Variants in SPATA13 observed in about 807,000 individuals in gnomAD.
SPATA13 encodes spermatogenesis-associated protein 13.
A neutral mutation model predicts 104.0 loss-of-function variants in SPATA13; 50 were observed. The ratio of observed to expected loss-of-function variants is 0.48; its 90% CI spans 0.38 to 0.61. SPATA13 has a LOEUF of 0.61. Among genes scored for constraint, SPATA13 ranks in the 20% least tolerant of loss-of-function variants. The pLI is 0.00. For missense variants in SPATA13, 1,524 were observed against 1,690.6 expected, an observed-to-expected ratio of 0.90 and a Z score of 1.73; for synonymous variants, 606 against 667.5, an observed-to-expected ratio of 0.91 and a Z score of 1.42.
intron 1 of SPATA13, among the ~76,000 whole-genome samples, chr13:24,213,662 T>G (rs1349128352): frequency 6.6e-6 from 1 of 152,242 alleles, no homozygotes; most frequent in Non-Finnish European, 1.5e-5. Context: ...ATCCAGTTCA[T>G]CTTTTCATAG....
chr13:24,085,069 G>A (rs951043636), intron 3 of SPATA13, among the ~76,000 whole-genome samples: 4 of 150,636 alleles, frequency 2.7e-5, no homozygotes, highest in Admixed American at 6.6e-5. Flanking sequence ...CGGTGCCTTC[G>A]TGGCGATGTT....
At chr13:24,228,107 TC>T (rs1872053370) in intron 2 of SPATA13, among the ~76,000 whole-genome samples, 1 of 124,266 alleles carries the variant, frequency 8.0e-6, no homozygotes, top group African/African-American at 3.2e-5. Context: ...CCTCTTGTAC[TC>T]TTTTTTTTTT....
intron 4 of SPATA13, among the ~76,000 whole-genome samples, chr13:24,259,307 G>A (rs1029089233): frequency 2.0e-5 from 3 of 152,224 alleles, no homozygotes; most frequent in South Asian, 4.1e-4. Context: ...TTCCACCCAC[G>A]TGGCCGCCAA....
intron 3 of SPATA13, among the ~76,000 whole-genome samples, chr13:24,111,728 C>G (rs1880646913): frequency 6.6e-6 from 1 of 152,204 alleles, no homozygotes; most frequent in Admixed American, 6.5e-5. Context: ...TTAATGTAAT[C>G]AAATTGATCA....
rs564270104 is a variant in SPATA13 at position 24,095,975 on chromosome 13, A to G, written c.-112+78274A>G. ...TCCAGAGCCCTTTATTCCAGAAGAA[A>G]TACAGCAAGGTACCTACACCTGCCT... On this transcript the variant is annotated intron_variant, in intron 3 of 14. Transcript: ENST00000424834. Among the ~76,000 whole-genome samples the G allele has an allele frequency of 4.6e-5, 7 of 152,336 alleles. No individual in the cohort carries two copies. The South Asian group carries it at 1.5e-3, about 32-fold the overall frequency.
chr13:24,095,821 G>C (rs4562938), intron 3 of SPATA13, among the ~76,000 whole-genome samples: 136,042 of 152,250 alleles, frequency 0.89, 61,615 homozygotes, highest in Non-Finnish European at 0.97. Context: ...TGGTTCAGCT[G>C]TAAAAACCGT....
At chr13:24,168,686 C>T (rs893444615) in intron 1 of SPATA13, among the ~76,000 whole-genome samples, 64 of 152,224 alleles carry the variant, frequency 4.2e-4, no homozygotes, top group African/African-American at 1.4e-3. Flanking sequence ...AAGGAATTGC[C>T]GTTGCTTAAA....
intron 3 of SPATA13, chr13:24,123,468 A>G: frequency 1.9e-6 from 3 of 1,562,524 alleles, no homozygotes; most frequent in Non-Finnish European, 1.8e-6. Context: ...CTTTTTCTTC[A>G]GAAGTATTTC....
chr13:24,155,170 C>T (rs1399383948), intron 3 of SPATA13, among the ~76,000 whole-genome samples: 1 of 152,120 alleles, frequency 6.6e-6, no homozygotes, highest in Non-Finnish European at 1.5e-5. Flanking sequence ...TTCTATATTA[C>T]AGATGAAGAA....
At chr13:24,262,582 G>A (rs1302972222) in intron 4 of SPATA13, among the ~76,000 whole-genome samples, 1 of 152,180 alleles carries the variant, frequency 6.6e-6, no homozygotes, top group Non-Finnish European at 1.5e-5. Context: ...AAAAGTGAGA[G>A]TGTAATCCCA....
chr13:24,289,045 C>T lies in SPATA13; in HGVS notation c.2714C>T (p.Ala905Val), dbSNP rs769518462. 14 of 1,613,650 alleles carry T rather than the reference C, an allele frequency of 8.7e-6. No homozygotes were observed. Among genetic ancestry groups the T allele is most frequent in the Admixed American group, 5.0e-5 (3 of 59,830 alleles). ...AAGCACACAGGAATGTTCACCGTTG[C>T]GCAGCTAGCCACTATTTTTGGAAAC... ...CRKHTGMFTV[A>V]QLATIFGNIE... Residue 905 changes from alanine to valine, a missense_variant, in exon 8 of 13, where the codon GCG becomes GTG. Physicochemically the swap from Ala to Val is moderately conservative, Grantham distance 64. Around this residue, in one of 2 missense-constraint regions of SPATA13, gnomAD observed 435 missense variants for 554.8 expected, o/e 0.78. Coordinates refer to ENST00000382108, the MANE Select transcript of SPATA13 (RefSeq NM_001166271.3).
At chr13:24,172,556 GT>G (rs1174148970) in intron 1 of SPATA13, among the ~76,000 whole-genome samples, 2 of 152,122 alleles carry the variant, frequency 1.3e-5, no homozygotes, top group Non-Finnish European at 2.9e-5. Context: ...TTAGGTCAGT[GT>G]TTTTTTCTTG....
chr13:24,305,055 A>G lies in SPATA13; in HGVS notation c.*2282A>G, dbSNP rs1877488700. 1 of 152,236 alleles carries G rather than the reference A, an allele frequency of 6.6e-6. No individual in the cohort carries two copies. Among genetic ancestry groups the G allele is most frequent in the African/African-American group, 2.4e-5 (1 of 41,460 alleles). 9.4% of individuals were successfully genotyped at this position (152,236 alleles called of 1,614,324 possible). On this transcript the variant is annotated 3_prime_UTR_variant, in exon 13 of 13. Transcript: ENST00000382108. The stretch of plus-strand genomic sequence containing the variant: ...GAACAAATTGTTTTAAATGTAATAT[A>G]AGAGAATTAGTTTAAGGAAGTAAAG...
At chr13:24,034,918 T>C (rs1877624005) in intron 3 of SPATA13, 1 of 152,214 alleles carries the variant, frequency 6.6e-6, no homozygotes, top group African/African-American at 2.4e-5. Flanking sequence ...CCAGGCTAAA[T>C]TCAGGCTGTC....
chr13:24,294,073 C>T (rs1876587601), intron 9 of SPATA13, among the ~76,000 whole-genome samples: 1 of 152,188 alleles, frequency 6.6e-6, no homozygotes, highest in Non-Finnish European at 1.5e-5. Context: ...TCTGTGCTAG[C>T]CTGTGTGTAG....
At chr13:24,063,821 T>C (rs1878858692) in intron 3 of SPATA13, among the ~76,000 whole-genome samples, 1 of 152,212 alleles carries the variant, frequency 6.6e-6, no homozygotes, top group African/African-American at 2.4e-5. Context: ...GTCCTGAATT[T>C]GTGTCGTTTC....
chr13:24,278,873 T>TTTCCTTCC lies in SPATA13; in HGVS notation c.2165-5217_2165-5210dup, dbSNP rs55973344. The TTTCCTTCC allele has an allele frequency of 9.6e-3, 10,664 of 1,115,748 alleles. 260 individuals are homozygous for TTTCCTTCC. Among genetic ancestry groups the TTTCCTTCC allele is most frequent in the East Asian group, 0.047 (1,214 of 26,080 alleles). 69.1% of individuals were successfully genotyped at this position (1,115,748 alleles called of 1,614,324 possible). On this transcript the variant is annotated intron_variant, in intron 4 of 12. Transcript: ENST00000382108. ...GCATGAAGTCCACATGCTGTTTTTC[T>TTTCCTTCC]TTCCTTCCTTCCTTCCTTCCTTCCT...
chr13:24,189,431 G>A (rs1370395961), intron 1 of SPATA13, among the ~76,000 whole-genome samples: 5 of 148,960 alleles, frequency 3.4e-5, no homozygotes, highest in African/African-American at 1.2e-4. Context: ...CTGAGATCAC[G>A]CCACTGCACT....
chr13:24,053,865 G>A lies in SPATA13; in HGVS notation c.-112+36164G>A, dbSNP rs115933818. Among the ~76,000 whole-genome samples, 1,284 of 152,296 alleles carry A rather than the reference G, an allele frequency of 8.4e-3. 31 individuals are homozygous for A. The highest frequency in any genetic ancestry group is 0.029 in the African/African-American group (1,192 of 41,560). On this transcript the variant is annotated intron_variant, in intron 3 of 14. Transcript: ENST00000424834. ...TTTTCAGGAATGGATTCTTGTTAATGCCATGAAGTAGGAATTCACAAGGGA... is the reference window on the plus strand; with the variant it reads ...TTTTCAGGAATGGATTCTTGTTAATACCATGAAGTAGGAATTCACAAGGGA...
Sources: gnomAD v4.1 joint callset for allele counts (sites outside exome capture counted in the v4.1 genomes callset) on GRCh38, gnomAD v4.1.1 for gene constraint, gnomAD v4.1.1 regional missense constraint, MANE v1.5 for transcripts, NCBI Gene and HGNC (gene_info 2026-07-23, HGNC 2026-07-21) for gene names.